The following MAGI1 variants were observed in gnomAD, a reference collection of about 807,000 sequenced individuals.
MAGI1 encodes membrane associated guanylate kinase, WW and PDZ domain containing 1, also known as membrane-associated guanylate kinase, WW and PDZ domain-containing protein 1.
Under a neutral mutation model 139.9 loss-of-function variants are expected in MAGI1, and 58 were observed. The ratio of observed to expected loss-of-function variants is 0.41; its 90% CI spans 0.34 to 0.52. MAGI1 has a LOEUF of 0.52. MAGI1 is among the 20% of genes least tolerant of loss of function. The pLI is 0.12. For missense variants in MAGI1, 1,874 were observed against 1,901.6 expected (o/e 0.99, Z 0.27); for synonymous variants, 812 against 737.9 (o/e 1.10, Z -1.63).
intron 1 of MAGI1, among the ~76,000 whole-genome samples, chr3:65,659,563 G>C (rs1460566829): frequency 6.6e-6 from 1 of 152,134 alleles, no homozygotes; most frequent in Non-Finnish European, 1.5e-5. Context: ...TTTTCCAGGA[G>C]TTTTCATGAA....
At chr3:65,525,935 A>AC (rs1161323741) in intron 2 of MAGI1, among the ~76,000 whole-genome samples, 1 of 152,164 alleles carries the variant, frequency 6.6e-6, no homozygotes, top group Non-Finnish European at 1.5e-5. Context: ...TTTGCTGGGG[A>AC]CTTCAGTAAC....
chr3:65,951,501 A>G (rs952628771), intron 1 of MAGI1, among the ~76,000 whole-genome samples: 3 of 152,244 alleles, frequency 2.0e-5, no homozygotes, highest in African/African-American at 7.2e-5. Flanking sequence ...CATCTGATTC[A>G]AAGACAGTAT....
At chr3:65,740,726 A>G (rs2035191098) in intron 1 of MAGI1, among the ~76,000 whole-genome samples, 1 of 152,236 alleles carries the variant, frequency 6.6e-6, no homozygotes, top group South Asian at 2.1e-4. Context: ...CTATCTCTAT[A>G]AAACCACTGC....
intron 1 of MAGI1, among the ~76,000 whole-genome samples, chr3:65,865,186 C>A (rs976806827): frequency 6.6e-6 from 1 of 152,188 alleles, no homozygotes; most frequent in Admixed American, 6.5e-5. Context: ...TCAGCATAAA[C>A]TCACATTCTC....
rs1348656990 is a variant in MAGI1, at chr3:65,399,876, A to G, written c.2199+1563T>C. On this transcript the variant is annotated intron_variant, in intron 13 of 22. Coordinates refer to ENST00000402939, the MANE Select transcript of MAGI1 (RefSeq NM_001033057.2). ...AATTTAAATGGAATGCAAAATGGAA[A>G]AGAACACCTTGCTACTTGACGTCAT... Among the ~76,000 whole-genome samples, 3 of 152,188 alleles carry G rather than the reference A, an allele frequency of 2.0e-5. No individual in the cohort carries two copies. The East Asian group carries it at 5.8e-4, about 29-fold the overall frequency.
At position 65,966,069 on chromosome 3, in the gene MAGI1, C is replaced by T. The variant is rs565433356; in HGVS notation, c.313+71927G>A. On this transcript the variant is annotated intron_variant, in intron 1 of 22. Transcript: ENST00000402939. ...GGAGTGTGGTTTGTCCTCAAAACTTCCATGTATGAGATAGAGTCAGTAGTA... is the reference window on the plus strand; with the variant it reads ...GGAGTGTGGTTTGTCCTCAAAACTTTCATGTATGAGATAGAGTCAGTAGTA... Among the ~76,000 whole-genome samples, 6 of 152,284 alleles carry T rather than the reference C, an allele frequency of 3.9e-5. No individual in the cohort carries two copies. The South Asian group carries it at 1.0e-3, about 26-fold the overall frequency.
intron 1 of MAGI1, among the ~76,000 whole-genome samples, chr3:65,910,854 A>ATTTTTTTTTT (rs1560003976): frequency 6.7e-4 from 8 of 11,900 alleles, no homozygotes; most frequent in African/African-American, 2.9e-3. Flanking sequence ...GACATGGTGG[A>ATTTTTTTTTT]CTTTTTTTTT....
At chr3:65,450,333 G>A (rs1257587925) in intron 6 of MAGI1, among the ~76,000 whole-genome samples, 1 of 152,104 alleles carries the variant, frequency 6.6e-6, no homozygotes, top group Non-Finnish European at 1.5e-5. Context: ...AGTCTGTATG[G>A]GAGATGAGCA....
chr3:65,823,757 T>C (rs1028720732), intron 1 of MAGI1, among the ~76,000 whole-genome samples: 1 of 152,356 alleles, frequency 6.6e-6, no homozygotes, highest in South Asian at 2.1e-4. Context: ...TTATTGAGCC[T>C]GTACAATGTG....
intron 1 of MAGI1, among the ~76,000 whole-genome samples, chr3:65,809,946 G>T (rs554678016): frequency 1.2e-4 from 18 of 151,364 alleles, no homozygotes; most frequent in Admixed American, 4.6e-4. Context: ...TCCCACTGCT[G>T]CTCCTACACA....
chr3:65,593,941 C>T (rs542248690), intron 2 of MAGI1, among the ~76,000 whole-genome samples: 33 of 152,244 alleles, frequency 2.2e-4, no homozygotes, highest in Admixed American at 7.2e-4. Context: ...AAAATCTTTT[C>T]GCTCAAGAAC....
At chr3:65,956,893 T>C (rs1400707657) in intron 1 of MAGI1, among the ~76,000 whole-genome samples, 1 of 151,966 alleles carries the variant, frequency 6.6e-6, no homozygotes, top group Non-Finnish European at 1.5e-5. Context: ...TCCCAGCTAC[T>C]TGGGTGGCTG....
intron 1 of MAGI1, among the ~76,000 whole-genome samples, chr3:65,674,657 G>A (rs147708418): frequency 1.4e-3 from 206 of 152,116 alleles, no homozygotes; most frequent in African/African-American, 4.5e-3. Flanking sequence ...ATTCCAGTGC[G>A]CCCTTCACTT....
intron 1 of MAGI1, among the ~76,000 whole-genome samples, chr3:65,983,723 C>A (rs1180937359): frequency 6.6e-6 from 1 of 152,126 alleles, no homozygotes; most frequent in African/African-American, 2.4e-5. Flanking sequence ...TCACTCAGCA[C>A]TCCTCCTAGA....
chr3:65,393,379 G>A lies in MAGI1; in HGVS notation c.2200-2021C>T, dbSNP rs187576479. On this transcript the variant is annotated intron_variant, in intron 13 of 22. Transcript: ENST00000402939. ...CATAGAAAAAATGGGATTATGGGTG[G>A]AGTTTTTCCCTCTTATCATTATACT... is the stretch of plus-strand genomic sequence containing the variant. 1.1e-3 allele frequency among the ~76,000 whole-genome samples: 162 copies of A among 152,064 alleles called. 1 individual carries two copies. Among genetic ancestry groups the A allele is most frequent in the Non-Finnish European group, 1.6e-3 (110 of 67,968 alleles).
At chr3:65,783,488 G>GA (rs71633188) in intron 1 of MAGI1, among the ~76,000 whole-genome samples, 45 of 146,292 alleles carry the variant, frequency 3.1e-4, no homozygotes, top group Admixed American at 7.5e-4. Flanking sequence ...TCTCCAGAAA[G>GA]AAAAAAAAAA....
At chr3:65,481,129 T>G (rs904453892) in intron 3 of MAGI1, among the ~76,000 whole-genome samples, 3 of 152,166 alleles carry the variant, frequency 2.0e-5, no homozygotes, top group Non-Finnish European at 4.4e-5. Context: ...CTCAACTCAA[T>G]CATTCAAGTG....
intron 12 of MAGI1, among the ~76,000 whole-genome samples, chr3:65,404,972 G>A (rs1326270495): frequency 6.6e-6 from 1 of 152,150 alleles, no homozygotes; most frequent in Non-Finnish European, 1.5e-5. Flanking sequence ...ATACATATAA[G>A]GCATACGGCA....
At chr3:65,971,993 G>A (rs1161897610) in intron 1 of MAGI1, among the ~76,000 whole-genome samples, 3 of 152,212 alleles carry the variant, frequency 2.0e-5, no homozygotes, top group Non-Finnish European at 4.4e-5. Context: ...CTGTTAGCCA[G>A]GGATGAGAGA....
Sources: allele counts gnomAD v4.1 joint callset (sites outside exome capture counted in the v4.1 genomes callset), GRCh38; gene constraint gnomAD v4.1.1; transcripts MANE v1.5; gene names NCBI Gene and HGNC (gene_info 2026-07-23, HGNC 2026-07-21).